The following KIAA1328 variants were observed in gnomAD, a reference collection of about 807,000 sequenced individuals.
The protein encoded by KIAA1328 is KIAA1328.
In KIAA1328, 52 loss-of-function variants were observed where a neutral mutation model predicts 68.1. The observed-to-expected ratio is 0.76, with a 90% CI of 0.61 to 0.96. The LOEUF (loss-of-function observed/expected upper bound fraction) is 0.96. Among genes scored for constraint, KIAA1328 ranks in the 40% least tolerant of loss-of-function variants. KIAA1328 has a pLI of 0.00. For synonymous variants in KIAA1328, 232 were observed against 239.4 expected (o/e 0.97, Z 0.28); for missense variants, 641 against 677.6 (o/e 0.95, Z 0.60).
intron 7 of KIAA1328, among the ~76,000 whole-genome samples, chr18:37,082,129 A>G (rs972383427): frequency 2.1e-5 from 3 of 145,306 alleles, no homozygotes; most frequent in Admixed American, 6.8e-5. Context: ...TAACTTTTAT[A>G]TATCTTTACT....
At chr18:37,155,920 C>T (rs1353542522) in intron 7 of KIAA1328, among the ~76,000 whole-genome samples, 1 of 152,218 alleles carries the variant, frequency 6.6e-6, no homozygotes, top group African/African-American at 2.4e-5. Context: ...AACATTCTTA[C>T]ATTTTTCCTT....
chr18:37,082,726 G>T (rs950469580), intron 7 of KIAA1328, among the ~76,000 whole-genome samples: 2 of 152,156 alleles, frequency 1.3e-5, no homozygotes, highest in Non-Finnish European at 2.9e-5. Context: ...CTACATGATT[G>T]CCGATAACAA....
intron 5 of KIAA1328, among the ~76,000 whole-genome samples, chr18:36,901,170 T>G (rs1332343848): frequency 6.6e-6 from 1 of 152,034 alleles, no homozygotes; most frequent in Non-Finnish European, 1.5e-5. Context: ...TGTTAGTTCT[T>G]AAAGTATTCT....
intron 9 of KIAA1328, among the ~76,000 whole-genome samples, chr18:37,204,942 C>T (rs1267686184): frequency 7.3e-5 from 11 of 149,930 alleles, no homozygotes; most frequent in Middle Eastern, 3.4e-3. Context: ...GACAAACAAC[C>T]ACTATTTATG....
At position 37,222,733 on chromosome 18, in the gene KIAA1328, A is replaced by G. The variant is rs1345679850; in HGVS notation, c.*506A>G. 1.0e-6 allele frequency: 1 copy of G among 993,026 alleles called. No individual in the cohort carries two copies. Among genetic ancestry groups the G allele is most frequent in the Non-Finnish European group, 1.2e-6 (1 of 834,878 alleles). The allele number at this position is 993,026 out of a possible 1,614,324, so 61.5% of individuals were successfully genotyped here. A position where few individuals can be genotyped will look rare whatever the true frequency, so the allele number is the denominator to read the frequency against. On this transcript the variant is annotated 3_prime_UTR_variant, in exon 10 of 10. Transcript: ENST00000280020. ...TTCTGTAAGTGGTCCTTTAATTCTG[A>G]AGTTGGAGTTGGTGCCCCTGCCATC...
intron 7 of KIAA1328, among the ~76,000 whole-genome samples, chr18:37,119,063 A>G (rs556209049): frequency 6.6e-6 from 1 of 152,310 alleles, no homozygotes; most frequent in Non-Finnish European, 1.5e-5. Flanking sequence ...ATTTTCTTTG[A>G]AGGCAGTTTC....
At chr18:37,043,448 A>G (rs940484127) in intron 6 of KIAA1328, among the ~76,000 whole-genome samples, 13 of 152,172 alleles carry the variant, frequency 8.5e-5, no homozygotes, top group Admixed American at 8.5e-4. Context: ...GCCTGGATGC[A>G]TTCTGTAGGG....
chr18:37,205,604 T>C (rs2060202512), intron 9 of KIAA1328, among the ~76,000 whole-genome samples: 1 of 152,164 alleles, frequency 6.6e-6, no homozygotes, highest in African/African-American at 2.4e-5. Flanking sequence ...CTCCAAAAGG[T>C]CAAAAGTCAT....
intron 6 of KIAA1328, among the ~76,000 whole-genome samples, chr18:37,003,384 A>T (rs1213814734): frequency 6.6e-6 from 1 of 152,146 alleles, no homozygotes; most frequent in Admixed American, 6.6e-5. Flanking sequence ...GAAGTAATCA[A>T]CAGAGTAATC....
intron 7 of KIAA1328, among the ~76,000 whole-genome samples, chr18:37,131,969 T>C (rs559418555): frequency 6.6e-6 from 1 of 152,322 alleles, no homozygotes; most frequent in South Asian, 2.1e-4. Flanking sequence ...CTATTATGTG[T>C]CCTTTTAAGT....
At chr18:36,916,118 T>G (rs561317519) in intron 5 of KIAA1328, among the ~76,000 whole-genome samples, 5 of 152,352 alleles carry the variant, frequency 3.3e-5, no homozygotes, top group Non-Finnish European at 7.3e-5. Flanking sequence ...CATTTATATC[T>G]TTCAACTATT....
chr18:37,157,035 G>A (rs1045701954), intron 7 of KIAA1328, among the ~76,000 whole-genome samples: 1 of 152,110 alleles, frequency 6.6e-6, no homozygotes, highest in Non-Finnish European at 1.5e-5. Context: ...GTGTTATGAA[G>A]ACCAAGGGAG....
chr18:37,134,201 C>T (rs2058590736), intron 7 of KIAA1328, among the ~76,000 whole-genome samples: 1 of 151,946 alleles, frequency 6.6e-6, no homozygotes, highest in South Asian at 2.1e-4. Context: ...TCAGTAGAGA[C>T]AAGGTTTCAC....
chr18:36,839,333 A>T (rs1019876353), intron 3 of KIAA1328, among the ~76,000 whole-genome samples: 1 of 152,126 alleles, frequency 6.6e-6, no homozygotes. Flanking sequence ...TGCAATGTCT[A>T]ATCTGCCACT....
chr18:36,879,331 G>T (rs1411449821), intron 4 of KIAA1328, among the ~76,000 whole-genome samples: 1 of 152,142 alleles, frequency 6.6e-6, no homozygotes. Flanking sequence ...GACCCTATTT[G>T]TCTGGGTATC....
intron 5 of KIAA1328, among the ~76,000 whole-genome samples, chr18:36,953,995 C>CTTTTTTTTTTTTTTTTTTTTTTTT (rs71168249): frequency 8.8e-6 from 1 of 113,548 alleles, no homozygotes; most frequent in Non-Finnish European, 1.7e-5. Flanking sequence ...CTGATTGTTT[C>CTTTTTTTTTTTTTTTTTTTTTTTT]TTTTTTTTTT....
chr18:37,025,664 T>C (rs1474229772), intron 6 of KIAA1328, among the ~76,000 whole-genome samples: 1 of 152,218 alleles, frequency 6.6e-6, no homozygotes, highest in African/African-American at 2.4e-5. Context: ...AAAGTTGTTC[T>C]TTGAAATTAA....
At chr18:37,025,545 A>T (rs932829969) in intron 6 of KIAA1328, among the ~76,000 whole-genome samples, 1 of 152,200 alleles carries the variant, frequency 6.6e-6, no homozygotes, top group African/African-American at 2.4e-5. Context: ...AGTGCAATCA[A>T]ACTAGAGCTC....
intron 6 of KIAA1328, among the ~76,000 whole-genome samples, chr18:37,045,832 G>C (rs1372221133): frequency 6.6e-6 from 1 of 152,160 alleles, no homozygotes; most frequent in Admixed American, 6.5e-5. Flanking sequence ...TGAAAGAATA[G>C]CATGGTATGA....
Sources: gnomAD v4.1 joint callset for allele counts (sites outside exome capture counted in the v4.1 genomes callset) on GRCh38, gnomAD v4.1.1 for gene constraint, MANE v1.5 for transcripts, NCBI Gene and HGNC (gene_info 2026-07-23, HGNC 2026-07-21) for gene names.